XPNPEP3: variants seen among roughly 807,000 people sequenced by gnomAD.
The protein encoded by XPNPEP3 is xaa-Pro aminopeptidase 3.
In XPNPEP3, 41 loss-of-function variants were observed where a neutral mutation model predicts 60.0. That is an observed-to-expected ratio of 0.68 (90% confidence interval 0.53 to 0.89). The LOEUF is 0.89. Ranked by LOEUF, XPNPEP3 falls within the 40% of genes least tolerant of loss-of-function variation. The pLI is 0.00. For missense variants in XPNPEP3, 598 were observed against 638.9 expected (o/e 0.94, Z 0.69); for synonymous variants, 212 against 223.2 (o/e 0.95, Z 0.45).
intron 4 of XPNPEP3, 40 bp downstream of exon 4, chr22:40,886,555 G>C: frequency 6.3e-7 from 1 of 1,596,324 alleles, no homozygotes; most frequent in Non-Finnish European, 8.5e-7. Flanking sequence ...GCCGGGCGCG[G>C]TGGCTCACGC....
rs2058237476 is a variant in XPNPEP3, at chr22:40,927,227, A to C, written c.*792A>C. ...CAGCGGTTCCGCCTGTAATCCCAGC[A>C]CTTTGGGAGGTCCAGGCAGGTGGAT... On this transcript the variant is annotated 3_prime_UTR_variant, in exon 10 of 10. Transcript: ENST00000357137. 1 of 152,410 alleles carries C rather than the reference A, an allele frequency of 6.6e-6. No homozygotes were observed. The highest frequency in any genetic ancestry group is 2.4e-5 in the African/African-American group (1 of 41,474). 9.4% of individuals were successfully genotyped at this position (152,410 alleles called of 1,614,324 possible). A position where few individuals can be genotyped will look rare whatever the true frequency, so the allele number is the denominator to read the frequency against.
Position 40,914,269 on chromosome 22 carries a change from T to C in XPNPEP3, c.1000T>C (p.Cys334Arg). The C allele has an allele frequency of 6.2e-7, 1 of 1,614,134 alleles. No individual in the cohort carries two copies. The highest frequency in any genetic ancestry group is 8.5e-7 in the Non-Finnish European group (1 of 1,180,012). Reference sequence around the variant, plus strand: ...GGAAATGGTGCTTCTGGATGGAGGTTGTGAGTCTTCCTGCTATGTGAGTGA... The same window carrying C: ...GGAAATGGTGCTTCTGGATGGAGGTCGTGAGTCTTCCTGCTATGTGAGTGA... ...DGEMVLLDGG[C>R]ESSCYVSDIT... Residue 334 changes from cysteine to arginine, a missense_variant, in exon 7 of 10, where the codon TGT (cysteine) becomes CGT (arginine). Coordinates refer to ENST00000357137, the MANE Select transcript of XPNPEP3 (RefSeq NM_022098.4).
Position 40,882,101 on chromosome 22 carries a change from T to C in XPNPEP3, c.513T>C (p.Asp171=), listed in dbSNP as rs1209141550. The change falls in exon 3 of 10, where the codon GAT becomes GAC. Residue 171 remains aspartate, a synonymous_variant. Coordinates refer to ENST00000357137, the MANE Select transcript of XPNPEP3 (RefSeq NM_022098.4). Reference sequence around the variant, plus strand: ...GGGATGGTCCGCGATCTGGCACTGATGGAGCAATAGCTCTAACTGGAGTAG... The same window carrying C: ...GGGATGGTCCGCGATCTGGCACTGACGGAGCAATAGCTCTAACTGGAGTAG... ...ELWDGPRSGT[D]GAIALTGVDE... 3.1e-6 allele frequency: 5 copies of C among 1,614,182 alleles called. No individual in the cohort carries two copies. The highest frequency in any genetic ancestry group is 4.5e-5 in the East Asian group (2 of 44,888).
chr22:40,922,031 G>GGCT (rs1249436654), intron 7 of XPNPEP3, among the ~76,000 whole-genome samples: 4 of 151,834 alleles, frequency 2.6e-5, no homozygotes, highest in Admixed American at 2.6e-4. Context: ...TCATGGCTGA[G>GGCT]CCTCATCTGC....
At chr22:40,868,859 A>G (rs550630412) in intron 1 of XPNPEP3, 140 bp from the exon 2 acceptor site, 38 of 703,920 alleles carry the variant, frequency 5.4e-5, no homozygotes, top group South Asian at 5.3e-4. Context: ...AAAAAAATAA[A>G]TGAATATTGA....
chr22:40,891,233 G>A (rs970737298), intron 4 of XPNPEP3, among the ~76,000 whole-genome samples: 1 of 149,238 alleles, frequency 6.7e-6, no homozygotes, highest in African/African-American at 2.5e-5. Flanking sequence ...GGTGGCACAT[G>A]CCTGTAGTCC....
rs1312298245 is a variant in XPNPEP3 at position 40,862,729 on chromosome 22, G to A, written c.64+5484G>A. On this transcript the variant is annotated intron_variant, in intron 1 of 9. Transcript: ENST00000357137. ...CTTTGTCCACCCAAGGTTTACTGCT[G>A]TAAAACATGTAATTAAAGATTTGGA... The A allele has an allele frequency of 3.0e-6, 3 of 985,312 alleles. No individual in the cohort carries two copies. In the East Asian group the frequency reaches 3.4e-4, roughly 112 times the overall value. 61.0% of individuals were successfully genotyped at this position (985,312 alleles called of 1,614,324 possible).
At chr22:40,881,719 T>G in intron 2 of XPNPEP3, 51 bp from the exon 3 acceptor site, 1 of 1,598,872 alleles carries the variant, frequency 6.3e-7, no homozygotes, top group South Asian at 1.1e-5. Flanking sequence ...CTACCTTAAG[T>G]ACTTTGGCAC....
At chr22:40,862,231 C>T (rs1283746853) in intron 1 of XPNPEP3, 3 of 1,259,270 alleles carry the variant, frequency 2.4e-6, no homozygotes, top group Non-Finnish European at 3.0e-6. Context: ...AGTGTAGGGA[C>T]TGGACCTTCC....
At chr22:40,890,931 A>G (rs1184997331) in intron 4 of XPNPEP3, among the ~76,000 whole-genome samples, 1 of 152,118 alleles carries the variant, frequency 6.6e-6, no homozygotes, top group Non-Finnish European at 1.5e-5. Flanking sequence ...TCCCTATGCA[A>G]TTTACCTCTT....
intron 2 of XPNPEP3, among the ~76,000 whole-genome samples, chr22:40,873,142 G>A (rs1434235857): frequency 3.6e-5 from 4 of 112,452 alleles, no homozygotes; most frequent in Admixed American, 1.4e-4. Flanking sequence ...GTCTCGCTCT[G>A]TCGCCCAGGC....
At chr22:40,858,688 C>T (rs570212201) in intron 1 of XPNPEP3, among the ~76,000 whole-genome samples, 6 of 152,036 alleles carry the variant, frequency 3.9e-5, no homozygotes, top group African/African-American at 1.4e-4. Context: ...CCCGCCACCA[C>T]GCCTGGCTAA....
chr22:40,881,429 C>G (rs2058047618), intron 2 of XPNPEP3, among the ~76,000 whole-genome samples: 2 of 149,302 alleles, frequency 1.3e-5, no homozygotes, highest in African/African-American at 4.9e-5. Context: ...GCACTCCAGC[C>G]TGGGCAACAA....
At chr22:40,885,707 G>A (rs1013607492) in intron 3 of XPNPEP3, among the ~76,000 whole-genome samples, 1 of 152,160 alleles carries the variant, frequency 6.6e-6, no homozygotes, top group Non-Finnish European at 1.5e-5. Context: ...AATGAAGGCC[G>A]GGCATGGTGA....
chr22:40,858,342 A>G (rs2057916805), intron 1 of XPNPEP3, among the ~76,000 whole-genome samples: 1 of 151,694 alleles, frequency 6.6e-6, no homozygotes, highest in Non-Finnish European at 1.5e-5. Context: ...CCTGGCCTCA[A>G]GCGATCCACC....
chr22:40,893,378 T>C (rs1406068587), intron 4 of XPNPEP3, among the ~76,000 whole-genome samples: 1 of 149,736 alleles, frequency 6.7e-6, no homozygotes, highest in African/African-American at 2.4e-5. Context: ...TGGTGGCACA[T>C]ACCTGTAATC....
At chr22:40,873,098 C>CTTTTTTTTTT (rs138353) in intron 2 of XPNPEP3, among the ~76,000 whole-genome samples, 17 of 88,502 alleles carry the variant, frequency 1.9e-4, no homozygotes, top group African/African-American at 2.2e-4. Flanking sequence ...TTTTCTTTTT[C>CTTTTTTTTTT]TTTTTTTTTT....
Position 40,912,162 on chromosome 22 carries a change from C to A in XPNPEP3, c.970-2077C>A, listed in dbSNP as rs1400219625. Among the ~76,000 whole-genome samples the A allele has an allele frequency of 2.6e-5, 4 of 151,672 alleles. No individual in the cohort carries two copies. The East Asian group carries it at 5.8e-4, about 22-fold the overall frequency. ...AATTTAATAAATATTATAAAATTTT[C>A]TCAGTTTTAATTTCTTAGTGTGATA... On this transcript the variant is annotated intron_variant, in intron 6 of 9. Coordinates refer to ENST00000357137, the MANE Select transcript of XPNPEP3 (RefSeq NM_022098.4).
chr22:40,869,939 C>A, intron 2 of XPNPEP3: 1 of 431,750 alleles, frequency 2.3e-6, no homozygotes, highest in South Asian at 1.7e-5. Context: ...ATATATATTA[C>A]TAATGGAAAT....
Sources: gnomAD v4.1 joint callset for allele counts (sites outside exome capture counted in the v4.1 genomes callset) on GRCh38, gnomAD v4.1.1 for gene constraint, MANE v1.5 for transcripts, NCBI Gene and HGNC (gene_info 2026-07-23, HGNC 2026-07-21) for gene names.